The following HSPD1 variants were observed in gnomAD, a reference collection of about 807,000 sequenced individuals.
HSPD1 encodes heat shock protein family D (Hsp60) member 1.
A neutral mutation model predicts 53.0 loss-of-function variants in HSPD1; 3 were observed. The ratio of observed to expected loss-of-function variants is 0.06; its 90% CI spans 0.03 to 0.15. HSPD1 has a LOEUF of 0.15. Among genes scored for constraint, HSPD1 ranks in the 10% least tolerant of loss-of-function variants. The probability of loss-of-function intolerance (pLI) is 1.00; values close to 1 mark genes in which losing one functional copy is unlikely to be tolerated. For synonymous variants in HSPD1, 200 were observed against 228.0 expected, an observed-to-expected ratio of 0.88 and a Z score of 1.10; for missense variants, 431 against 694.1, an observed-to-expected ratio of 0.62 and a Z score of 4.26.
At chr2:197,491,193 T>G (rs1196426640) in intron 7 of HSPD1, among the ~76,000 whole-genome samples, 2 of 150,878 alleles carry the variant, frequency 1.3e-5, no homozygotes, top group African/African-American at 4.9e-5. Context: ...TTTGTGTGTT[T>G]TTTTTTTTTT....
At chr2:197,488,942 G>C (rs2086058561) in intron 9 of HSPD1, 60 bp downstream of exon 9, 1 of 1,579,288 alleles carries the variant, frequency 6.3e-7, no homozygotes, top group Admixed American at 1.7e-5. Flanking sequence ...GAATACTACA[G>C]AAGCAAAATC....
At chr2:197,491,908 G>A (rs900666132) in intron 7 of HSPD1, among the ~76,000 whole-genome samples, 1 of 152,220 alleles carries the variant, frequency 6.6e-6, no homozygotes, top group African/African-American at 2.4e-5. Flanking sequence ...GGAGGCTGAG[G>A]TGGGAGAATC....
chr2:197,488,826 C>A (rs759639621), intron 9 of HSPD1, among the ~76,000 whole-genome samples, 176 bp downstream of exon 9: 12 of 152,208 alleles, frequency 7.9e-5, no homozygotes, highest in Admixed American at 7.9e-4. Context: ...CGAGATCGCA[C>A]CACTGCATCC....
Position 197,498,829 on chromosome 2 carries a change from A to G in HSPD1, c.20T>C (p.Val7Ala). The G allele has an allele frequency of 6.2e-7, 1 of 1,614,206 alleles. No individual in the cohort carries two copies. The change falls in exon 2 of 12, where the codon GTC becomes GCC. Residue 7 changes from valine (V) to alanine (A), a missense_variant. Coordinates refer to ENST00000388968, the MANE Select transcript of HSPD1 (RefSeq NM_002156.5). MLRLPT[V>A]FRQMRPVSRV... ...GGACACCGGTCTCATCTGGCGAAAG[A>G]CTGTGGGTAACCGAAGCATTTCTGG...
intron 9 of HSPD1, 118 bp from the exon 10 acceptor site, chr2:197,488,609 C>T: frequency 2.1e-6 from 2 of 937,496 alleles, no homozygotes; most frequent in East Asian, 4.8e-5. Flanking sequence ...TGGCTCACAC[C>T]TGTAATCCTA....
At chr2:197,497,065 T>C (rs1439372863) in intron 3 of HSPD1, 75 bp downstream of exon 3, 6 of 1,406,152 alleles carry the variant, frequency 4.3e-6, no homozygotes, top group South Asian at 3.5e-5. Flanking sequence ...GTTAACACTT[T>C]CCTTAGGTCC....
intron 2 of HSPD1, 97 bp from the exon 3 acceptor site, chr2:197,497,489 T>C: frequency 8.1e-7 from 1 of 1,239,520 alleles, no homozygotes; most frequent in Non-Finnish European, 1.2e-6. Context: ...TACTTCAAAG[T>C]CTCAACGTAA....
At chr2:197,489,569 A>G (rs780684894) in intron 8 of HSPD1, among the ~76,000 whole-genome samples, 1 of 152,114 alleles carries the variant, frequency 6.6e-6, no homozygotes, top group African/African-American at 2.4e-5. Context: ...ATACACTTCT[A>G]CCTTTCAAAA....
chr2:197,500,240 G>C (rs1042611498), upstream of HSPD1: 10 of 673,200 alleles, frequency 1.5e-5, no homozygotes, highest in Non-Finnish European at 2.3e-5. Context: ...GTCCTGCGCA[G>C]GGCCCTTGGG....
At chr2:197,490,440 T>C (rs1349436801) in intron 7 of HSPD1, 144 bp from the exon 8 acceptor site, 10 of 655,460 alleles carry the variant, frequency 1.5e-5, no homozygotes, top group Non-Finnish European at 1.1e-5. Flanking sequence ...TTTTGCTTCC[T>C]AGCAATTTTT....
At chr2:197,495,409 A>C (rs1480760323) in intron 3 of HSPD1, 33 bp from the exon 4 acceptor site, 1 of 1,267,518 alleles carries the variant, frequency 7.9e-7, no homozygotes, top group Admixed American at 1.7e-5. Flanking sequence ...TACAATGTTT[A>C]TTTCTCTCAT....
chr2:197,499,401 C>T, intron 1 of HSPD1: 1 of 163,930 alleles, frequency 6.1e-6, no homozygotes, highest in South Asian at 1.5e-4. Flanking sequence ...CGAACGCCCC[C>T]AGCAAGGTCA....
At chr2:197,498,602 G>C (rs116282839) in intron 2 of HSPD1, 73 bp downstream of exon 2, 254 of 1,313,398 alleles carry the variant, frequency 1.9e-4, no homozygotes, top group Non-Finnish European at 2.6e-4. Flanking sequence ...CTGTTGAATA[G>C]TTCAGTGCGA....
At chr2:197,492,605 AAAC>A (rs1241955676) in intron 7 of HSPD1, among the ~76,000 whole-genome samples, 3 of 152,038 alleles carry the variant, frequency 2.0e-5, no homozygotes, top group Non-Finnish European at 4.4e-5. Flanking sequence ...ACAAAACAAA[AAAC>A]AAGATTGACA....
Position 197,498,739 on chromosome 2 carries a change from C to T in HSPD1, c.110G>A (p.Arg37Gln), listed in dbSNP as rs2086194196. The T allele has an allele frequency of 1.2e-6, 2 of 1,614,128 alleles. No individual in the cohort carries two copies. The highest frequency in any genetic ancestry group is 1.7e-6 in the Non-Finnish European group (2 of 1,180,036). Residue 37 changes from arginine to glutamine, a missense_variant, in exon 2 of 12, where the codon CGA becomes CAA. Physicochemically the swap from Arg to Gln is conservative, Grantham distance 43. Transcript: ENST00000388968. ...AKDVKFGADA[R>Q]ALMLQGVDLL... is the part of the protein sequence containing the mutation. ...GTCTACACCTTGAAGCATTAAGGCT[C>T]GGGCATCTGCACCAAATTTTACATC...
chr2:197,492,150 C>T (rs1333909327), intron 7 of HSPD1, among the ~76,000 whole-genome samples: 1 of 152,170 alleles, frequency 6.6e-6, no homozygotes, highest in Non-Finnish European at 1.5e-5. Context: ...GAGTCTGTCT[C>T]TCAAAATAAA....
intron 2 of HSPD1, chr2:197,497,644 A>G: frequency 1.8e-6 from 1 of 541,182 alleles, no homozygotes; most frequent in Non-Finnish European, 3.3e-6. Flanking sequence ...CCTAGGGACT[A>G]AAACTTGTCA....
Position 197,493,502 on chromosome 2 carries a change from T to C in HSPD1, c.701-10A>G, listed in dbSNP as rs947805825. The C allele has an allele frequency of 1.2e-6, 2 of 1,600,602 alleles. No homozygotes were observed. The highest frequency in any genetic ancestry group is 2.7e-5 in the African/African-American group (2 of 74,642). ...AATTCACATTTCTGACCTGTAAAAATAATGAAGATTTCAAAAATATACAAA... is the reference window on the plus strand; with the variant it reads ...AATTCACATTTCTGACCTGTAAAAACAATGAAGATTTCAAAAATATACAAA... On this transcript the variant is annotated splice_polypyrimidine_tract_variant and intron_variant, in intron 6 of 11. Coordinates refer to ENST00000388968, the MANE Select transcript of HSPD1 (RefSeq NM_002156.5).
In HSPD1 at chr2:197,499,562, T is replaced by G. The variant is rs539950166; in HGVS notation, c.-3+220A>C. Reference sequence around the variant, plus strand: ...ATCCCCCAAATTCAAACCCCACGAGTTGTCCCTCCCGCGCCCAGCCGAGGT... The same window carrying G: ...ATCCCCCAAATTCAAACCCCACGAGGTGTCCCTCCCGCGCCCAGCCGAGGT... On this transcript the variant is annotated intron_variant, in intron 1 of 11. Transcript: ENST00000388968. 78 of 152,490 alleles carry G rather than the reference T, an allele frequency of 5.1e-4. 2 individuals are homozygous for G. In the South Asian group the frequency reaches 8.5e-3, roughly 17 times the overall value. The allele number at this position is 152,490 out of a possible 1,614,324, so 9.4% of individuals were successfully genotyped here. A position where few individuals can be genotyped will look rare whatever the true frequency, so the allele number is the denominator to read the frequency against.
Sources: gnomAD v4.1 joint callset for allele counts (sites outside exome capture counted in the v4.1 genomes callset) on GRCh38, gnomAD v4.1.1 for gene constraint, MANE v1.5 for transcripts, NCBI Gene and HGNC (gene_info 2026-07-23, HGNC 2026-07-21) for gene names.